Variants in IQGAP1 observed in about 807,000 individuals in gnomAD.
IQGAP1 encodes IQ motif containing GTPase activating protein 1.
Under a neutral mutation model 215.6 loss-of-function variants are expected in IQGAP1, and 66 were observed. That is an observed-to-expected ratio of 0.31 (90% CI 0.25 to 0.38). The LOEUF is 0.38. Ranked by LOEUF, IQGAP1 falls within the 10% of genes least tolerant of loss-of-function variation. IQGAP1 has a pLI of 1.00. For missense variants in IQGAP1, 1,712 were observed against 1,997.1 expected (o/e 0.86, Z 2.72); for synonymous variants, 772 against 728.7 (o/e 1.06, Z -0.96).
chr15:90,400,869 C>T (rs1057181766), intron 2 of IQGAP1, among the ~76,000 whole-genome samples: 1 of 152,204 alleles, frequency 6.6e-6, no homozygotes, highest in Non-Finnish European at 1.5e-5. Context: ...TTCACAGTGT[C>T]ACATCTGGGG....
intron 9 of IQGAP1, among the ~76,000 whole-genome samples, chr15:90,447,859 A>G (rs989621515): frequency 6.6e-6 from 1 of 152,138 alleles, no homozygotes; most frequent in Non-Finnish European, 1.5e-5. Flanking sequence ...CATGTATTGT[A>G]TTATAGAGCT....
At chr15:90,455,579 G>T in intron 14 of IQGAP1, among the ~76,000 whole-genome samples, 1 of 152,268 alleles carries the variant, frequency 6.6e-6, no homozygotes, top group East Asian at 1.9e-4. Flanking sequence ...AGATACCTGG[G>T]GAGTGAACGT....
chr15:90,462,307 CTTTTA>C (rs764945402), intron 15 of IQGAP1, among the ~76,000 whole-genome samples: 1 of 152,308 alleles, frequency 6.6e-6, no homozygotes, highest in South Asian at 2.1e-4. Context: ...CATTGAAATT[CTTTTA>C]TTTTGTTTGG....
chr15:90,436,939 A>G (rs1327818868), intron 5 of IQGAP1, among the ~76,000 whole-genome samples: 1 of 152,240 alleles, frequency 6.6e-6, no homozygotes, highest in Non-Finnish European at 1.5e-5. Flanking sequence ...ATTAAAAGCT[A>G]AGTCAGTGTT....
intron 15 of IQGAP1, among the ~76,000 whole-genome samples, chr15:90,457,180 C>T (rs1045660335): frequency 6.6e-6 from 1 of 151,728 alleles, no homozygotes; most frequent in East Asian, 1.9e-4. Context: ...ATTCTGATTT[C>T]TATTAATAAC....
intron 2 of IQGAP1, among the ~76,000 whole-genome samples, chr15:90,394,734 A>G (rs1964688430): frequency 6.6e-6 from 1 of 152,208 alleles, no homozygotes; most frequent in Non-Finnish European, 1.5e-5. Context: ...CTCTAAGGCC[A>G]GGAATAAAGA....
intron 26 of IQGAP1, 139 bp downstream of exon 26, chr15:90,478,028 G>T: frequency 3.0e-6 from 2 of 656,694 alleles, no homozygotes; most frequent in South Asian, 2.0e-5. Context: ...TTTCACTCTT[G>T]TCGTCCAGGC....
At chr15:90,448,162 C>T (rs1965550336) in intron 9 of IQGAP1, among the ~76,000 whole-genome samples, 1 of 152,148 alleles carries the variant, frequency 6.6e-6, no homozygotes, top group Non-Finnish European at 1.5e-5. Flanking sequence ...ACAAAATTGT[C>T]CAAAGATGTA....
intron 21 of IQGAP1, 35 bp downstream of exon 21, chr15:90,474,002 C>T: frequency 1.9e-6 from 3 of 1,608,596 alleles, no homozygotes; most frequent in Non-Finnish European, 2.6e-6. Context: ...CCATTAGGGG[C>T]AATTTTGCCA....
chr15:90,446,603 T>G (rs1471811884), intron 9 of IQGAP1, among the ~76,000 whole-genome samples: 4 of 152,136 alleles, frequency 2.6e-5, no homozygotes, highest in Admixed American at 1.3e-4. Flanking sequence ...CTTTTCCTAA[T>G]TGTAGAGAAA....
chr15:90,422,373 T>A (rs1965148779), intron 2 of IQGAP1, among the ~76,000 whole-genome samples: 1 of 152,056 alleles, frequency 6.6e-6, no homozygotes, highest in Non-Finnish European at 1.5e-5. Flanking sequence ...TTTGGAGTTG[T>A]ACTTCTAAGG....
chr15:90,480,695 G>A (rs1351665862), intron 26 of IQGAP1, among the ~76,000 whole-genome samples: 1 of 152,168 alleles, frequency 6.6e-6, no homozygotes, highest in East Asian at 1.9e-4. Context: ...TTGAGACAGA[G>A]TCTCGTTCTG....
At chr15:90,400,023 T>C (rs770612220) in intron 2 of IQGAP1, among the ~76,000 whole-genome samples, 139 of 152,308 alleles carry the variant, frequency 9.1e-4, no homozygotes, top group Non-Finnish European at 1.4e-3. Context: ...GATTTTTTTT[T>C]CCTTTTTTCG....
chr15:90,486,178 G>A, intron 31 of IQGAP1, 46 bp downstream of exon 31: 1 of 1,353,640 alleles, frequency 7.4e-7, no homozygotes, highest in Non-Finnish European at 1.0e-6. Context: ...GAATGTGACA[G>A]AAAAGTGTTG....
At chr15:90,401,258 T>A (rs1478564247) in intron 2 of IQGAP1, among the ~76,000 whole-genome samples, 2 of 152,152 alleles carry the variant, frequency 1.3e-5, no homozygotes, top group Non-Finnish European at 2.9e-5. Flanking sequence ...CATATTAATG[T>A]TTAAGAAAGA....
At chr15:90,422,626 GTATATA>G (rs4031444) in intron 2 of IQGAP1, among the ~76,000 whole-genome samples, 1 of 48,108 alleles carries the variant, frequency 2.1e-5, no homozygotes, top group Non-Finnish European at 3.5e-5. Context: ...ATATATATAT[GTATATA>G]TATATATGTA....
chr15:90,410,770 C>T (rs887594737), intron 2 of IQGAP1, among the ~76,000 whole-genome samples: 2 of 150,516 alleles, frequency 1.3e-5, no homozygotes, highest in African/African-American at 2.5e-5. Context: ...GTGCAGCACA[C>T]CAACATGGCA....
chr15:90,487,364 G>A, intron 32 of IQGAP1, 131 bp from the exon 33 acceptor site: 1 of 710,898 alleles, frequency 1.4e-6, no homozygotes, highest in Non-Finnish European at 2.5e-6. Flanking sequence ...CTTGAGTACT[G>A]TGTACTGGCA....
intron 15 of IQGAP1, among the ~76,000 whole-genome samples, chr15:90,461,725 G>A (rs988590769): frequency 2.0e-5 from 3 of 152,140 alleles, no homozygotes; most frequent in South Asian, 4.1e-4. Flanking sequence ...TACTCAGGAG[G>A]CTGAGGCAGG....
Sources: allele counts gnomAD v4.1 joint callset (sites outside exome capture counted in the v4.1 genomes callset), GRCh38; gene constraint gnomAD v4.1.1; transcripts MANE v1.5; gene names NCBI Gene and HGNC (gene_info 2026-07-23, HGNC 2026-07-21).